ZNF442: variants seen among roughly 807,000 people sequenced by gnomAD.
ZNF442 encodes the protein zinc finger protein 442.
A neutral mutation model predicts 57.0 loss-of-function variants in ZNF442; 45 were observed. The ratio of observed to expected loss-of-function variants is 0.79; its 90% confidence interval spans 0.62 to 1.01. The LOEUF is 1.01. Ranked by LOEUF, ZNF442 falls within the 50% of genes least tolerant of loss-of-function variation. ZNF442 has a pLI of 0.00. For synonymous variants in ZNF442, 213 were observed against 241.8 expected (o/e 0.88, Z 1.10); for missense variants, 690 against 756.5 (o/e 0.91, Z 1.03).
In ZNF442 at chr19:12,350,857, C is replaced by A; in HGVS notation, c.728G>T (p.Cys243Phe). ...GGAACTGTAAATAGGGAAGGCTTTACAACACTGCTTACATTCATACGGTTT... is the reference window on the plus strand; with the variant it reads ...GGAACTGTAAATAGGGAAGGCTTTAAAACACTGCTTACATTCATACGGTTT... ...GEKPYECKQC[C>F]KAFPIYSSYL... Residue 243 changes from cysteine (C) to phenylalanine (F), a missense_variant, in exon 6 of 6, where the codon TGT becomes TTT. Transcript: ENST00000242804. 1 of 1,614,034 alleles carries A rather than the reference C, an allele frequency of 6.2e-7. No individual in the cohort carries two copies. The highest frequency in any genetic ancestry group is 8.5e-7 in the Non-Finnish European group (1 of 1,179,988).
chr19:12,352,406 C>T (rs570709104), intron 4 of ZNF442, among the ~76,000 whole-genome samples: 52 of 152,064 alleles, frequency 3.4e-4, no homozygotes, highest in South Asian at 6.2e-4. Context: ...TTAGTAGAGA[C>T]GGGGTTTCAG....
At chr19:12,362,267 G>A (rs1159405019) in intron 3 of ZNF442, among the ~76,000 whole-genome samples, 2 of 151,988 alleles carry the variant, frequency 1.3e-5, no homozygotes, top group African/African-American at 4.8e-5. Flanking sequence ...TCCCGTCTAG[G>A]AAGTGAGGAG....
chr19:12,361,921 C>T (rs977368970), intron 3 of ZNF442, among the ~76,000 whole-genome samples: 2 of 152,212 alleles, frequency 1.3e-5, no homozygotes, highest in Admixed American at 6.5e-5. Flanking sequence ...GGGGTTTCAC[C>T]GTGTTGGCCG....
intron 2 of ZNF442, 92 bp downstream of exon 2, chr19:12,364,710 G>A (rs994985943): frequency 2.6e-5 from 4 of 152,414 alleles, no homozygotes; most frequent in Middle Eastern, 3.4e-3. Flanking sequence ...AGAAAAGAAG[G>A]GACTGGGGAC....
the ZNF442 span, among the ~76,000 whole-genome samples, chr19:12,372,545 T>C: frequency 1.3e-5 from 2 of 152,190 alleles, no homozygotes; most frequent in African/African-American, 4.8e-5. Flanking sequence ...ATTAACTGAT[T>C]TCATCAAAAA....
At chr19:12,368,034 C>T (rs1017671783), upstream of ZNF442, among the ~76,000 whole-genome samples, 7 of 152,108 alleles carry the variant, frequency 4.6e-5, no homozygotes, top group African/African-American at 1.2e-4. Context: ...CTCACATGTC[C>T]GTCTATAGGC....
Position 12,350,379 on chromosome 19 carries a change from A to C in ZNF442, c.1206T>G (p.Asp402Glu), listed in dbSNP as rs1265323160. The change falls in exon 6 of 6, where the codon GAT becomes GAG. Residue 402 changes from aspartate to glutamate, a missense_variant. By Grantham distance (45) the Asp-to-Glu change is conservative. Coordinates refer to ENST00000242804, the MANE Select transcript of ZNF442 (RefSeq NM_030824.3). ...FRSHMIMHTGDGPHKCKVCGK... is the reference protein window; with the variant it reads ...FRSHMIMHTGEGPHKCKVCGK... ...CACATACCTTGCATTTGTGAGGTCCATCTCCAGTGTGCATTATCATATGAC... is the reference window on the plus strand; with the variant it reads ...CACATACCTTGCATTTGTGAGGTCCCTCTCCAGTGTGCATTATCATATGAC... 6.2e-7 allele frequency: 1 copy of C among 1,613,792 alleles called. No homozygotes were observed. Among genetic ancestry groups the C allele is most frequent in the Admixed American group, 1.7e-5 (1 of 59,986 alleles).
intron 3 of ZNF442, among the ~76,000 whole-genome samples, chr19:12,359,672 ACT>A (rs1486418340): frequency 6.6e-6 from 1 of 151,672 alleles, no homozygotes; most frequent in Non-Finnish European, 1.5e-5. Context: ...AGAGCAAAAC[ACT>A]CTCTGAACTA....
At chr19:12,372,367 G>C in the ZNF442 span, among the ~76,000 whole-genome samples, 1 of 152,038 alleles carries the variant, frequency 6.6e-6, no homozygotes, top group South Asian at 2.1e-4. Context: ...GCTGAGGCAG[G>C]AGAATCGCTT....
At chr19:12,352,351 G>A (rs960828473) in intron 4 of ZNF442, among the ~76,000 whole-genome samples, 7 of 152,110 alleles carry the variant, frequency 4.6e-5, no homozygotes, top group African/African-American at 1.7e-4. Context: ...CCAAGTAGCT[G>A]GGACTACAGG....
intron 3 of ZNF442, among the ~76,000 whole-genome samples, chr19:12,362,406 AC>A (rs894790844): frequency 8.8e-4 from 127 of 144,046 alleles, no homozygotes; most frequent in African/African-American, 3.2e-3. Context: ...TCTCTGCCCG[AC>A]CGCCACCCCG....
intron 3 of ZNF442, 122 bp downstream of exon 3, chr19:12,363,432 C>G: frequency 1.1e-6 from 1 of 891,998 alleles, no homozygotes; most frequent in Non-Finnish European, 1.8e-6. Context: ...CAGTAAAGTG[C>G]TCAGTGACCA....
chr19:12,372,925 C>T, the ZNF442 span, among the ~76,000 whole-genome samples: 250 of 152,266 alleles, frequency 1.6e-3, 1 homozygote, highest in African/African-American at 5.8e-3. Flanking sequence ...AGGCACATGC[C>T]ACCATGCCCA....
chr19:12,353,524 G>T (rs982662236), intron 3 of ZNF442, among the ~76,000 whole-genome samples: 111 of 152,182 alleles, frequency 7.3e-4, no homozygotes, highest in African/African-American at 2.6e-3. Flanking sequence ...CTAGGCACTG[G>T]ATTTATAGAG....
chr19:12,357,403 G>A (rs1969351028), intron 3 of ZNF442, among the ~76,000 whole-genome samples: 1 of 135,816 alleles, frequency 7.4e-6, no homozygotes, highest in African/African-American at 2.8e-5. Flanking sequence ...CCAGGCTGGA[G>A]CGCAATGGTG....
At chr19:12,362,993 ACAAAAC>A (rs1969463016) in intron 3 of ZNF442, among the ~76,000 whole-genome samples, 6 of 150,102 alleles carry the variant, frequency 4.0e-5, no homozygotes, top group African/African-American at 1.3e-4. Flanking sequence ...AATACAAAAA[ACAAAAC>A]AAAAAAAAAA....
At chr19:12,363,290 A>C (rs1250860233) in intron 3 of ZNF442, among the ~76,000 whole-genome samples, 3 of 152,126 alleles carry the variant, frequency 2.0e-5, no homozygotes, top group Admixed American at 6.6e-5. Flanking sequence ...AAAACGTTGA[A>C]GCTGAAAAGA....
chr19:12,367,411 G>T (rs1969546450), upstream of ZNF442, among the ~76,000 whole-genome samples: 1 of 152,160 alleles, frequency 6.6e-6, no homozygotes, highest in Non-Finnish European at 1.5e-5. Context: ...AATTACTGAT[G>T]AGGGTCTGTG....
intron 3 of ZNF442, among the ~76,000 whole-genome samples, chr19:12,360,318 C>A (rs545743775): frequency 1.2e-4 from 19 of 152,304 alleles, no homozygotes; most frequent in African/African-American, 4.1e-4. Flanking sequence ...AACAGGGAAT[C>A]ACCCCAACTG....
Sources: gnomAD v4.1 joint callset for allele counts (sites outside exome capture counted in the v4.1 genomes callset) on GRCh38, gnomAD v4.1.1 for gene constraint, MANE v1.5 for transcripts, NCBI Gene and HGNC (gene_info 2026-07-23, HGNC 2026-07-21) for gene names.